TDRD12: variants seen among roughly 807,000 people sequenced by gnomAD.
The protein encoded by TDRD12 is putative ATP-dependent RNA helicase TDRD12.
Under a neutral mutation model 133.5 loss-of-function variants are expected in TDRD12, and 158 were observed. The ratio of observed to expected loss-of-function variants is 1.18; its 90% confidence interval spans 1.04 to 1.35. The LOEUF is 1.35. Ranked by LOEUF, TDRD12 falls within the 40% of genes most tolerant of loss-of-function variation. TDRD12 has a pLI of 0.00. For missense variants in TDRD12, 1,443 were observed against 1,321.3 expected (o/e 1.09, Z -1.43); for synonymous variants, 460 against 477.9 (o/e 0.96, Z 0.49).
rs765690461 is a variant in TDRD12, at chr19:32,800,679, T to A, written c.1986T>A (p.Ser662=). ...TTTGCCTAGAATGTGAAAAAACTTC[T>A]TCTTTACTCCAAGCTCTTGATTTTA... Residue 662 remains serine (S), a synonymous_variant, in exon 18 of 28, where the codon TCT becomes TCA. Transcript: ENST00000444215. The A allele has an allele frequency of 9.1e-6, 14 of 1,535,726 alleles. No homozygotes were observed. The South Asian group carries it at 1.7e-4, about 18-fold the overall frequency.
chr19:32,802,024 T>A (rs541216535), intron 19 of TDRD12, among the ~76,000 whole-genome samples, 151 bp downstream of exon 19: 290 of 151,524 alleles, frequency 1.9e-3, no homozygotes, highest in African/African-American at 6.6e-3. Flanking sequence ...AAATGAAAAA[T>A]TAACCTCCAC....
chr19:32,822,486 G>A (rs1442890008), downstream of TDRD12, among the ~76,000 whole-genome samples: 1 of 152,074 alleles, frequency 6.6e-6, no homozygotes, highest in Non-Finnish European at 1.5e-5. Context: ...GGTGTCTCAC[G>A]CCTGTAATCC....
intron 11 of TDRD12, among the ~76,000 whole-genome samples, chr19:32,777,857 ATTTTTTTTTTTTTTTTTTT>A (rs869285558): frequency 9.5e-4 from 19 of 20,036 alleles, no homozygotes; most frequent in African/African-American, 3.6e-3. Flanking sequence ...ATATATATAT[ATTTTTTTTTTTTTTTTTTT>A]TTTTTTTTTT....
At chr19:32,741,704 A>C (rs778155970) in intron 3 of TDRD12, among the ~76,000 whole-genome samples, 1 of 152,168 alleles carries the variant, frequency 6.6e-6, no homozygotes, top group Non-Finnish European at 1.5e-5. Flanking sequence ...CAGACAAGGC[A>C]TAATAGGAAC....
rs115699384 is a variant in TDRD12, at chr19:32,797,478, C to T, written c.1474-257C>T. 5.8e-3 allele frequency among the ~76,000 whole-genome samples: 879 copies of T among 152,270 alleles called. 8 individuals are homozygous for T. The highest frequency in any genetic ancestry group is 0.02 in the African/African-American group (828 of 41,552). On this transcript the variant is annotated intron_variant, in intron 14 of 27. Coordinates refer to ENST00000444215, the Ensembl canonical transcript of TDRD12. Reference sequence around the variant, plus strand: ...ACCTCTGAAGTGAAGCAGTGACAGCCTCTGCCCCATAAGAGCATCTTAAGA... The same window carrying T: ...ACCTCTGAAGTGAAGCAGTGACAGCTTCTGCCCCATAAGAGCATCTTAAGA...
chr19:32,761,833 C>T (rs1273463664), intron 8 of TDRD12, among the ~76,000 whole-genome samples: 2 of 151,866 alleles, frequency 1.3e-5, no homozygotes, highest in African/African-American at 2.4e-5. Flanking sequence ...TTACAGGTGC[C>T]CGCCACCATG....
intron 27 of TDRD12, among the ~76,000 whole-genome samples, chr19:32,819,689 C>A (rs998630837): frequency 1.1e-4 from 17 of 152,258 alleles, no homozygotes; most frequent in African/African-American, 3.9e-4. Context: ...AGAAGAGACC[C>A]CATATCAGAC....
At chr19:32,750,688 T>C (rs1401367976) in intron 6 of TDRD12, among the ~76,000 whole-genome samples, 4 of 152,226 alleles carry the variant, frequency 2.6e-5, no homozygotes, top group African/African-American at 9.6e-5. Context: ...CTGTTTGTCA[T>C]GTCTCCTTCC....
chr19:32,795,982 C>G (rs935884852), intron 14 of TDRD12: 1 of 212,358 alleles, frequency 4.7e-6, no homozygotes, highest in Non-Finnish European at 8.1e-6. Context: ...CCACCTCCAA[C>G]ACTGGGGATT....
chr19:32,745,784 G>GTGT (rs1969589822), intron 4 of TDRD12, among the ~76,000 whole-genome samples: 1 of 26,052 alleles, frequency 3.8e-5, no homozygotes, highest in South Asian at 9.9e-4. Flanking sequence ...ACTGGCTGAT[G>GTGT]TCATTCTGTG....
At chr19:32,796,818 G>GGAA (rs1337216965) in intron 14 of TDRD12, among the ~76,000 whole-genome samples, 2 of 152,084 alleles carry the variant, frequency 1.3e-5, no homozygotes, top group Non-Finnish European at 2.9e-5. Context: ...GCCTGTGTCT[G>GGAA]GAAGCTGGGC....
intron 8 of TDRD12, among the ~76,000 whole-genome samples, chr19:32,769,779 G>A (rs1057284494): frequency 1.3e-5 from 2 of 152,096 alleles, no homozygotes; most frequent in African/African-American, 4.8e-5. Context: ...TGGGATTACA[G>A]GCATGCGCCA....
At chr19:32,724,043 G>C (rs1258156692) in intron 1 of TDRD12, among the ~76,000 whole-genome samples, 1 of 151,796 alleles carries the variant, frequency 6.6e-6, no homozygotes, top group Non-Finnish European at 1.5e-5. Flanking sequence ...AATTTTTTTA[G>C]AGACAGGGTC....
At chr19:32,798,256 T>G in intron 15 of TDRD12, 52 bp from the exon 16 acceptor site, 1 of 1,507,142 alleles carries the variant, frequency 6.6e-7, no homozygotes, top group Non-Finnish European at 8.9e-7. Flanking sequence ...AGAGGAAATC[T>G]TAGAAAAACC....
intron 1 of TDRD12, among the ~76,000 whole-genome samples, chr19:32,727,783 C>T (rs191009600): frequency 1.1e-4 from 16 of 152,298 alleles, no homozygotes; most frequent in Admixed American, 9.8e-4. Flanking sequence ...ATTCTCTTGG[C>T]GTAGCCTCCT....
chr19:32,821,336 A>G, downstream of TDRD12: 1 of 581,272 alleles, frequency 1.7e-6, no homozygotes, highest in Non-Finnish European at 3.1e-6. Context: ...CCATCCAGTG[A>G]TGCGCACAGA....
At chr19:32,740,711 G>A (rs1210195524) in intron 3 of TDRD12, among the ~76,000 whole-genome samples, 3 of 152,176 alleles carry the variant, frequency 2.0e-5, no homozygotes, top group East Asian at 1.9e-4. Flanking sequence ...AGAGAGAAAC[G>A]CCTCTCTCCA....
rs767093430 is a variant in TDRD12, at chr19:32,722,671, TAA to T, written c.24+2582_24+2583del. Among the ~76,000 whole-genome samples, 86 of 126,620 alleles carry T rather than the reference TAA, an allele frequency of 6.8e-4. 1 individual carries two copies. The highest frequency in any genetic ancestry group is 2.6e-3 in the East Asian group (9 of 3,510). 83.1% of individuals were successfully genotyped at this position (126,620 alleles called of 152,430 possible). On this transcript the variant is annotated intron_variant, in intron 1 of 27. Coordinates refer to ENST00000444215, the Ensembl canonical transcript of TDRD12. Reference sequence around the variant, plus strand: ...TTCCCCCATGTATCCTTTTATTATTTAAAAAAAATTTTTTTTTTTTTTTTTTG... The same window carrying T: ...TTCCCCCATGTATCCTTTTATTATTTAAAAAATTTTTTTTTTTTTTTTTTG...
chr19:32,744,805 C>T lies in TDRD12; in HGVS notation c.440+1905C>T, dbSNP rs377400842. 3.2e-4 allele frequency among the ~76,000 whole-genome samples: 48 copies of T among 152,214 alleles called. No homozygotes were observed. The South Asian group carries it at 4.1e-3, about 13-fold the overall frequency. On this transcript the variant is annotated intron_variant, in intron 4 of 27. Coordinates refer to ENST00000444215, the Ensembl canonical transcript of TDRD12. ...CGGTGCTCCTCCTCTTCTCCCTTCC[C>T]GGGACGATGGCATTATGGAAGGAAA... is the stretch of plus-strand genomic sequence containing the variant.
Sources: allele counts gnomAD v4.1 joint callset (sites outside exome capture counted in the v4.1 genomes callset), GRCh38; gene constraint gnomAD v4.1.1; transcripts MANE v1.5; gene names NCBI Gene and HGNC (gene_info 2026-07-23, HGNC 2026-07-21).